The following DYM variants were observed in gnomAD, a reference collection of about 807,000 sequenced individuals.
DYM encodes dyggve-Melchior-Clausen syndrome protein.
Under a neutral mutation model 93.1 loss-of-function variants are expected in DYM, and 78 were observed. The observed-to-expected ratio is 0.84, with a 90% CI of 0.70 to 1.01. The LOEUF is 1.01. Ranked by LOEUF, DYM falls within the 50% of genes least tolerant of loss-of-function variation. DYM has a pLI of 0.00. For synonymous variants in DYM, 321 were observed against 319.7 expected (o/e 1.00, Z -0.04); for missense variants, 789 against 845.0 (o/e 0.93, Z 0.82).
At chr18:49,066,632 T>C (rs1182963552) in intron 17 of DYM, among the ~76,000 whole-genome samples, 2 of 152,112 alleles carry the variant, frequency 1.3e-5, no homozygotes, top group East Asian at 3.9e-4. Flanking sequence ...TACCTAGGAG[T>C]GGGAGAGAGT....
At chr18:49,283,962 A>G (rs1472069683) in intron 9 of DYM, among the ~76,000 whole-genome samples, 1 of 152,218 alleles carries the variant, frequency 6.6e-6, no homozygotes, top group Admixed American at 6.5e-5. Context: ...ACTTACAAAA[A>G]TAATTCCTTT....
intron 15 of DYM, among the ~76,000 whole-genome samples, chr18:49,152,253 A>G (rs146703880): frequency 1.3e-5 from 2 of 152,316 alleles, no homozygotes; most frequent in African/African-American, 4.8e-5. Flanking sequence ...CTTCAGAAGT[A>G]AGAAAAGGCA....
intron 14 of DYM, among the ~76,000 whole-genome samples, chr18:49,195,096 A>G (rs2091320622): frequency 1.3e-5 from 2 of 152,198 alleles, no homozygotes; most frequent in African/African-American, 4.8e-5. Flanking sequence ...AGCTGAAGCT[A>G]GCAGAGTAAA....
chr18:49,446,992 G>A (rs1279587378), intron 1 of DYM, among the ~76,000 whole-genome samples: 4 of 151,766 alleles, frequency 2.6e-5, no homozygotes, highest in Non-Finnish European at 5.9e-5. Flanking sequence ...CCGGGAGGTA[G>A]AGGCTGCAGT....
chr18:49,341,306 C>T (rs947929198), intron 6 of DYM, among the ~76,000 whole-genome samples: 4 of 151,858 alleles, frequency 2.6e-5, no homozygotes, highest in Non-Finnish European at 5.9e-5. Context: ...CTGGCTAACA[C>T]GGTGAAACCC....
intron 8 of DYM, among the ~76,000 whole-genome samples, chr18:49,312,218 G>A (rs956230176): frequency 2.0e-5 from 3 of 152,136 alleles, no homozygotes; most frequent in African/African-American, 7.2e-5. Flanking sequence ...AGGCAGACAG[G>A]GGCAGGTCCC....
intron 8 of DYM, among the ~76,000 whole-genome samples, chr18:49,293,304 T>C (rs1447689226): frequency 6.6e-6 from 1 of 152,234 alleles, no homozygotes; most frequent in Admixed American, 6.5e-5. Flanking sequence ...TGTGTCTTTA[T>C]AGTAGAATAA....
chr18:49,080,150 C>CGGGGTGG (rs1555742969), intron 17 of DYM, among the ~76,000 whole-genome samples: 355 of 10,126 alleles, frequency 0.035, 54 homozygotes, highest in Non-Finnish European at 0.055. Flanking sequence ...GGCGGCTGGC[C>CGGGGTGG]GGGGGGGGGC....
At chr18:49,378,968 G>T (rs973862109) in intron 4 of DYM, among the ~76,000 whole-genome samples, 4 of 151,970 alleles carry the variant, frequency 2.6e-5, no homozygotes, top group Non-Finnish European at 5.9e-5. Flanking sequence ...ACTGTTCTTT[G>T]TTCTTAATAG....
intron 14 of DYM, among the ~76,000 whole-genome samples, chr18:49,195,811 C>G (rs976491374): frequency 1.1e-4 from 16 of 152,040 alleles, no homozygotes; most frequent in African/African-American, 3.1e-4. Context: ...ACTTAGGGAG[C>G]CTTCGTTTAG....
intron 8 of DYM, among the ~76,000 whole-genome samples, chr18:49,305,629 T>G (rs2061229339): frequency 6.6e-6 from 1 of 152,168 alleles, no homozygotes; most frequent in Non-Finnish European, 1.5e-5. Flanking sequence ...TTGAATAAAA[T>G]GTAAGCTCAA....
chr18:49,240,931 T>C (rs996544740), intron 13 of DYM, among the ~76,000 whole-genome samples: 6 of 152,222 alleles, frequency 3.9e-5, no homozygotes, highest in Non-Finnish European at 7.3e-5. Flanking sequence ...TCAGTGAAGA[T>C]GGTTTTTATT....
chr18:49,129,349 G>C (rs1392687828), intron 15 of DYM, among the ~76,000 whole-genome samples: 1 of 152,106 alleles, frequency 6.6e-6, no homozygotes, highest in Non-Finnish European at 1.5e-5. Flanking sequence ...ACCCTCCTTA[G>C]TGAGGAGAAA....
At chr18:49,134,994 G>A (rs1362550398) in intron 15 of DYM, among the ~76,000 whole-genome samples, 1 of 152,062 alleles carries the variant, frequency 6.6e-6, no homozygotes, top group East Asian at 1.9e-4. Context: ...TGTAATCCCA[G>A]CTACTCGGGA....
chr18:49,146,406 T>C (rs1195852737), intron 15 of DYM, among the ~76,000 whole-genome samples: 1 of 152,172 alleles, frequency 6.6e-6, no homozygotes, highest in Non-Finnish European at 1.5e-5. Flanking sequence ...AGTCAAATTG[T>C]CCCTGTTTGC....
chr18:49,080,117 C>T (rs1391222605), intron 17 of DYM, among the ~76,000 whole-genome samples: 3 of 64,518 alleles, frequency 4.6e-5, no homozygotes, highest in East Asian at 6.6e-4. Context: ...GGGGGCTGAC[C>T]CCCCCACCTC....
intron 14 of DYM, among the ~76,000 whole-genome samples, chr18:49,178,282 T>C (rs1039098883): frequency 7.9e-5 from 12 of 152,100 alleles, no homozygotes; most frequent in African/African-American, 2.7e-4. Flanking sequence ...CTAAGAGTAG[T>C]GTGACCAAAA....
intron 15 of DYM, among the ~76,000 whole-genome samples, chr18:49,137,739 T>C (rs1166868050): frequency 6.6e-6 from 1 of 152,152 alleles, no homozygotes; most frequent in East Asian, 1.9e-4. Context: ...AAGTCAGAGA[T>C]GTCATGAGAC....
intron 1 of DYM, among the ~76,000 whole-genome samples, chr18:49,446,032 GAAGTT>G (rs1377528310): frequency 1.3e-5 from 2 of 152,140 alleles, no homozygotes; most frequent in Non-Finnish European, 2.9e-5. Flanking sequence ...ACCATAACAA[GAAGTT>G]AATATGTATT....
Sources: allele counts gnomAD v4.1 joint callset (sites outside exome capture counted in the v4.1 genomes callset), GRCh38; gene constraint gnomAD v4.1.1; transcripts MANE v1.5; gene names NCBI Gene and HGNC (gene_info 2026-07-23, HGNC 2026-07-21).